Variants in CSMD1 observed in about 807,000 individuals in gnomAD.
The protein encoded by CSMD1 is CUB and Sushi multiple domains 1.
Under a neutral mutation model 417.5 loss-of-function variants are expected in CSMD1, and 213 were observed. The observed-to-expected ratio is 0.51, with a 90% CI of 0.46 to 0.57. The LOEUF (loss-of-function observed/expected upper bound fraction) is 0.57. CSMD1 is among the 20% of genes least tolerant of loss of function. The pLI, the probability that CSMD1 is intolerant of heterozygous loss-of-function variation, is 0.00. For synonymous variants in CSMD1, 2,862 were observed against 1,736.8 expected (o/e 1.65, Z -16.11); for missense variants, 6,923 against 4,529.7 (o/e 1.53, Z -15.17).
rs141651497 is a variant in CSMD1, at chr8:3,517,659, G to A, written c.1345-23933C>T. 7.2e-5 allele frequency among the ~76,000 whole-genome samples: 11 copies of A among 152,182 alleles called. No homozygotes were observed. The East Asian group carries it at 2.1e-3, about 29-fold the overall frequency. ...AAAAAGGCTTTCTGAAAGAATTTTG[G>A]TCTAGCTAACACAATTTTTCACTTG... On this transcript the variant is annotated intron_variant, in intron 10 of 69. Coordinates refer to ENST00000635120, the MANE Select transcript of CSMD1 (RefSeq NM_033225.6).
intron 40 of CSMD1, among the ~76,000 whole-genome samples, chr8:3,149,152 T>A (rs1288447070): frequency 6.6e-6 from 1 of 152,204 alleles, no homozygotes; most frequent in Admixed American, 6.5e-5. Flanking sequence ...CAATTTGGTT[T>A]CATTGAAGTT....
At chr8:3,015,698 G>A (rs1808773407) in intron 52 of CSMD1, among the ~76,000 whole-genome samples, 1 of 151,984 alleles carries the variant, frequency 6.6e-6, no homozygotes, top group Admixed American at 6.6e-5. Flanking sequence ...GTCCAGATGA[G>A]CCTGAAGGTT....
intron 6 of CSMD1, among the ~76,000 whole-genome samples, chr8:3,737,638 C>A (rs1195682200): frequency 6.6e-6 from 1 of 152,154 alleles, no homozygotes; most frequent in Admixed American, 6.5e-5. Flanking sequence ...TTTTAAGCTA[C>A]CTTGGTTGCC....
intron 5 of CSMD1, among the ~76,000 whole-genome samples, chr8:3,816,266 A>G (rs866002667): frequency 6.6e-6 from 1 of 152,150 alleles, no homozygotes; most frequent in Non-Finnish European, 1.5e-5. Context: ...CATTTTCTCC[A>G]CATTAAACTA....
intron 5 of CSMD1, among the ~76,000 whole-genome samples, chr8:3,875,056 G>C (rs1425205786): frequency 1.3e-5 from 2 of 152,122 alleles, no homozygotes; most frequent in Non-Finnish European, 2.9e-5. Context: ...GCGGCTGAAA[G>C]AGCAGAAGAG....
chr8:3,837,314 C>A (rs560134368), intron 5 of CSMD1, among the ~76,000 whole-genome samples: 4 of 152,076 alleles, frequency 2.6e-5, no homozygotes, highest in Non-Finnish European at 5.9e-5. Context: ...AATTAGATTG[C>A]AACTAGTATT....
chr8:4,773,020 G>T (rs950134085), intron 1 of CSMD1, among the ~76,000 whole-genome samples: 15 of 152,244 alleles, frequency 9.9e-5, no homozygotes, highest in African/African-American at 3.4e-4. Context: ...AACAAGAAAT[G>T]CTCATACAGG....
At chr8:4,370,305 G>C (rs11993789) in intron 3 of CSMD1, among the ~76,000 whole-genome samples, 6,984 of 152,106 alleles carry the variant, frequency 0.046, 399 homozygotes, top group African/African-American at 0.13. Flanking sequence ...GTGCTGAAAT[G>C]TCTGCTGTTA....
intron 5 of CSMD1, among the ~76,000 whole-genome samples, chr8:3,918,778 G>A (rs2129142882): frequency 6.6e-6 from 1 of 152,168 alleles, no homozygotes; most frequent in East Asian, 1.9e-4. Flanking sequence ...ACTCAGCAAT[G>A]GAAAACCAAA....
intron 30 of CSMD1, among the ~76,000 whole-genome samples, chr8:3,212,006 C>T (rs533022125): frequency 6.6e-6 from 1 of 152,252 alleles, no homozygotes; most frequent in East Asian, 1.9e-4. Flanking sequence ...GCCCACCTCA[C>T]CAAGTGACAC....
chr8:3,291,884 G>T (rs553876512), intron 25 of CSMD1, among the ~76,000 whole-genome samples: 1 of 151,922 alleles, frequency 6.6e-6, no homozygotes, highest in Non-Finnish European at 1.5e-5. Flanking sequence ...GAATGTGTTT[G>T]TTCTTGCTTT....
At chr8:4,830,236 C>G (rs190894687) in intron 1 of CSMD1, among the ~76,000 whole-genome samples, 1 of 152,192 alleles carries the variant, frequency 6.6e-6, no homozygotes, top group Admixed American at 6.5e-5. Flanking sequence ...CACCTCAACC[C>G]TATGCCACAA....
At chr8:3,849,552 T>C (rs1803744099) in intron 5 of CSMD1, among the ~76,000 whole-genome samples, 2 of 152,130 alleles carry the variant, frequency 1.3e-5, no homozygotes, top group Admixed American at 6.5e-5. Context: ...GAAATTGGTA[T>C]CTGCAATTCA....
chr8:3,440,639 C>T (rs758082436), intron 12 of CSMD1, among the ~76,000 whole-genome samples: 1 of 152,150 alleles, frequency 6.6e-6, no homozygotes, highest in African/African-American at 2.4e-5. Flanking sequence ...TGCCCTGTTT[C>T]TCTTATCCTT....
At chr8:3,305,414 A>G (rs1238681160) in intron 25 of CSMD1, among the ~76,000 whole-genome samples, 1 of 151,688 alleles carries the variant, frequency 6.6e-6, no homozygotes, top group Non-Finnish European at 1.5e-5. Context: ...AGCCATATTG[A>G]AAGTGGGAGC....
intron 11 of CSMD1, among the ~76,000 whole-genome samples, chr8:3,485,691 C>T (rs985975665): frequency 5.3e-5 from 8 of 151,672 alleles, no homozygotes. Flanking sequence ...ACTTGAGAGG[C>T]AGCAGTTGCA....
chr8:4,444,741 G>T (rs190237904), intron 2 of CSMD1, among the ~76,000 whole-genome samples: 1 of 152,258 alleles, frequency 6.6e-6, no homozygotes, highest in Admixed American at 6.5e-5. Context: ...GAGGTAAAAT[G>T]ATATGAATAT....
intron 5 of CSMD1, among the ~76,000 whole-genome samples, chr8:3,890,213 T>C (rs985347019): frequency 5.9e-5 from 9 of 152,182 alleles, no homozygotes; most frequent in African/African-American, 2.2e-4. Context: ...ACAATTTTAC[T>C]TTTAATAAAA....
rs1325730543 is a variant in CSMD1, at chr8:3,951,564, A to C, written c.818+46339T>G. Among the ~76,000 whole-genome samples the C allele has an allele frequency of 1.3e-5, 2 of 152,206 alleles. 1 individual carries two copies. Among genetic ancestry groups the C allele is most frequent in the Non-Finnish European group, 2.9e-5 (2 of 68,038 alleles). Reference sequence around the variant, plus strand: ...ATCTATCTAAGTAAAATACATCGCCAAAGATATGAATCATCATAGAAAACA... The same window carrying C: ...ATCTATCTAAGTAAAATACATCGCCCAAGATATGAATCATCATAGAAAACA... On this transcript the variant is annotated intron_variant, in intron 5 of 69. Transcript: ENST00000635120.
Sources: allele counts gnomAD v4.1 joint callset (sites outside exome capture counted in the v4.1 genomes callset), GRCh38; gene constraint gnomAD v4.1.1; transcripts MANE v1.5; gene names NCBI Gene and HGNC (gene_info 2026-07-23, HGNC 2026-07-21).